The following MORC1 variants were observed in gnomAD, a reference collection of about 807,000 sequenced individuals.
MORC1 encodes the protein MORC family CW-type zinc finger 1, also known as MORC family CW-type zinc finger protein 1.
In MORC1, 59 loss-of-function variants were observed where a neutral mutation model predicts 134.9. The ratio of observed to expected loss-of-function variants is 0.44; its 90% CI spans 0.35 to 0.54. The LOEUF (loss-of-function observed/expected upper bound fraction) is 0.54, where lower values mean the gene tolerates loss of function less well. Among genes scored for constraint, MORC1 ranks in the 20% least tolerant of loss-of-function variants. MORC1 has a pLI of 0.00. For synonymous variants in MORC1, 395 were observed against 391.7 expected, an observed-to-expected ratio of 1.01 and a Z score of -0.10; for missense variants, 947 against 1,134.5, an observed-to-expected ratio of 0.83 and a Z score of 2.37.
intron 3 of MORC1, among the ~76,000 whole-genome samples, chr3:109,104,733 G>T (rs919027235): frequency 6.6e-6 from 1 of 152,076 alleles, no homozygotes; most frequent in African/African-American, 2.4e-5. Flanking sequence ...TTGTAAACTG[G>T]CCCTGAAAAT....
At chr3:108,974,695 TGAAGCATTTACTCA>T (rs1947500167) in intron 24 of MORC1, among the ~76,000 whole-genome samples, 1 of 152,238 alleles carries the variant, frequency 6.6e-6, no homozygotes, top group Non-Finnish European at 1.5e-5. Context: ...GTCCTTCTCT[TGAAGCATTTACTCA>T]GAATTTTACG....
chr3:109,040,470 AAG>A (rs1949504860), intron 14 of MORC1, among the ~76,000 whole-genome samples: 1 of 149,898 alleles, frequency 6.7e-6, no homozygotes, highest in South Asian at 2.1e-4. Context: ...GAAAGAAAGA[AAG>A]AAAGAAAGAA....
At chr3:108,998,015 C>T (rs140890641) in intron 21 of MORC1, among the ~76,000 whole-genome samples, 1 of 152,272 alleles carries the variant, frequency 6.6e-6, no homozygotes, top group East Asian at 1.9e-4. Context: ...GGCAAAGGTT[C>T]GCTGAGTCAG....
At chr3:109,047,989 A>T (rs1405885848) in intron 14 of MORC1, among the ~76,000 whole-genome samples, 1 of 152,214 alleles carries the variant, frequency 6.6e-6, no homozygotes, top group African/African-American at 2.4e-5. Flanking sequence ...CCTATGAAAC[A>T]TCTTGACAAA....
chr3:109,055,743 A>G (rs1484013644), intron 13 of MORC1, among the ~76,000 whole-genome samples: 2 of 152,212 alleles, frequency 1.3e-5, no homozygotes, highest in East Asian at 3.9e-4. Flanking sequence ...CCAGAAATAC[A>G]GGTTCCCCCT....
intron 14 of MORC1, among the ~76,000 whole-genome samples, chr3:109,041,584 C>T (rs1949551713): frequency 6.6e-6 from 1 of 152,052 alleles, no homozygotes; most frequent in Non-Finnish European, 1.5e-5. Flanking sequence ...CGCCATGGCT[C>T]AAGCCTGTAA....
At chr3:109,095,249 G>A (rs1165887656) in intron 6 of MORC1, among the ~76,000 whole-genome samples, 181 bp from the exon 7 acceptor site, 2 of 152,122 alleles carry the variant, frequency 1.3e-5, no homozygotes, top group Non-Finnish European at 1.5e-5. Context: ...AGACAGGATT[G>A]TATTTTAAAA....
intron 21 of MORC1, among the ~76,000 whole-genome samples, chr3:108,998,151 T>C (rs1948289785): frequency 1.3e-5 from 2 of 152,212 alleles, no homozygotes; most frequent in African/African-American, 4.8e-5. Context: ...CACCAGCAAC[T>C]GTCAGATTAT....
At chr3:109,076,097 T>C (rs186238359) in intron 8 of MORC1, among the ~76,000 whole-genome samples, 1 of 152,220 alleles carries the variant, frequency 6.6e-6, no homozygotes, top group Non-Finnish European at 1.5e-5. Flanking sequence ...GACAAAGGGC[T>C]ACTATCCAGA....
At chr3:108,993,317 A>G (rs1015740814) in intron 21 of MORC1, among the ~76,000 whole-genome samples, 2 of 152,202 alleles carry the variant, frequency 1.3e-5, no homozygotes, top group Non-Finnish European at 2.9e-5. Flanking sequence ...AGACTTTAGC[A>G]CTTGAATATT....
intron 8 of MORC1, among the ~76,000 whole-genome samples, chr3:109,087,940 G>A (rs1474444178): frequency 6.6e-6 from 1 of 152,044 alleles, no homozygotes; most frequent in Non-Finnish European, 1.5e-5. Context: ...ACAACCATCT[G>A]ATCATCAACA....
At chr3:109,031,991 A>G (rs1353009095) in intron 16 of MORC1, among the ~76,000 whole-genome samples, 1 of 152,178 alleles carries the variant, frequency 6.6e-6, no homozygotes, top group Non-Finnish European at 1.5e-5. Flanking sequence ...TTTTAGCAGC[A>G]GTTTCCAAAT....
intron 17 of MORC1, among the ~76,000 whole-genome samples, chr3:109,008,542 A>C (rs1410089091): frequency 6.6e-6 from 1 of 151,754 alleles, no homozygotes; most frequent in Non-Finnish European, 1.5e-5. Flanking sequence ...TCCTATTACT[A>C]GTATGATTGT....
At chr3:108,959,691 C>A (rs1341010693) in intron 27 of MORC1, among the ~76,000 whole-genome samples, 1 of 152,084 alleles carries the variant, frequency 6.6e-6, no homozygotes. Flanking sequence ...GTTGGGTCTT[C>A]AAAAAGTTCA....
intron 25 of MORC1, among the ~76,000 whole-genome samples, chr3:108,970,948 C>T (rs1046270191): frequency 6.6e-5 from 10 of 152,244 alleles, no homozygotes; most frequent in African/African-American, 1.9e-4. Context: ...TTGGTGATTT[C>T]GGTAAGATTA....
chr3:109,062,462 C>A (rs1950105309), intron 10 of MORC1, among the ~76,000 whole-genome samples: 1 of 150,986 alleles, frequency 6.6e-6, no homozygotes, highest in Non-Finnish European at 1.5e-5. Context: ...GCTCTATCAC[C>A]CAGGCTGGAG....
At chr3:109,065,568 G>A (rs1203263456) in intron 9 of MORC1, among the ~76,000 whole-genome samples, 3 of 152,068 alleles carry the variant, frequency 2.0e-5, no homozygotes, top group Non-Finnish European at 4.4e-5. Flanking sequence ...TTTAAAGATG[G>A]GTTCTAAAAA....
At position 109,093,459 on chromosome 3, in the gene MORC1, T is replaced by C; in HGVS notation, c.666A>G (p.Ile222Met). The change falls in exon 8 of 28, where the codon ATA (isoleucine) becomes ATG (methionine). Residue 222 changes from isoleucine (I) to methionine (M), a missense_variant. Physicochemically the swap from Ile to Met is conservative, Grantham distance 10 (BLOSUM62 1). This residue lies in a region of MORC1 where 214 missense variants were observed against 281.3 expected (regional missense o/e 0.76). Coordinates refer to ENST00000232603, the MANE Select transcript of MORC1 (RefSeq NM_014429.4). ...ELDVKTDKED[I>M]LMAGALEDFP... ...ACTCCTCCAGAGCTCCAGCCATCAG[T>C]ATATCTTCTTTGTCAGTTTTAACAT... is the stretch of plus-strand genomic sequence containing the variant. 6.2e-7 allele frequency: 1 copy of C among 1,613,396 alleles called. No individual in the cohort carries two copies. Among genetic ancestry groups the C allele is most frequent in the Non-Finnish European group, 8.5e-7 (1 of 1,179,366 alleles).
At chr3:109,046,989 G>A (rs1429624544) in intron 14 of MORC1, among the ~76,000 whole-genome samples, 1 of 151,966 alleles carries the variant, frequency 6.6e-6, no homozygotes, top group Admixed American at 6.6e-5. Context: ...TTTAAAACAT[G>A]ATTTTCAAAG....
Sources: allele counts gnomAD v4.1 joint callset (sites outside exome capture counted in the v4.1 genomes callset), GRCh38; gene constraint gnomAD v4.1.1; regional missense constraint gnomAD v4.1.1; transcripts MANE v1.5; gene names NCBI Gene and HGNC (gene_info 2026-07-23, HGNC 2026-07-21).